OSBPL9: variants seen among roughly 807,000 people sequenced by gnomAD.
The protein encoded by OSBPL9 is oxysterol binding protein like 9.
OSBPL9 carries 40 observed loss-of-function variants against 106.6 expected under a neutral mutation model. The observed-to-expected ratio is 0.38, with a 90% confidence interval of 0.29 to 0.49. The LOEUF (loss-of-function observed/expected upper bound fraction) is 0.49. Ranked by LOEUF, OSBPL9 falls within the 20% of genes least tolerant of loss-of-function variation. The pLI, the probability that OSBPL9 is intolerant of heterozygous loss-of-function variation, is 0.97. For synonymous variants in OSBPL9, 269 were observed against 295.4 expected, an observed-to-expected ratio of 0.91 and a Z score of 0.92; for missense variants, 609 against 887.2, an observed-to-expected ratio of 0.69 and a Z score of 3.98.
intron 3 of OSBPL9, among the ~76,000 whole-genome samples, chr1:51,700,762 T>A (rs987536912): frequency 1.1e-4 from 16 of 152,176 alleles, no homozygotes; most frequent in African/African-American, 3.9e-4. Context: ...TTTATTCATT[T>A]GGGGGAGATA....
chr1:51,748,384 A>G lies in OSBPL9; in HGVS notation c.478A>G (p.Lys160Glu). The change falls in exon 7 of 24, where the codon AAA (lysine) becomes GAA (glutamate). Residue 160 changes from lysine to glutamate, a missense_variant. Coordinates refer to ENST00000428468, the MANE Select transcript of OSBPL9 (RefSeq NM_024586.6). ...DEQRKKIETL[K>E]ETTNSMVESI... Reference sequence around the variant, plus strand: ...TTTTTCACAGAAAATTGAAACTCTCAAAGAGACAACAAATGTAAGTTATAT... The same window carrying G: ...TTTTTCACAGAAAATTGAAACTCTCGAAGAGACAACAAATGTAAGTTATAT... 6.6e-7 allele frequency: 1 copy of G among 1,524,770 alleles called. No homozygotes were observed. Among genetic ancestry groups the G allele is most frequent in the Non-Finnish European group, 8.7e-7 (1 of 1,145,720 alleles). 94.5% of individuals were successfully genotyped at this position (1,524,770 alleles called of 1,614,324 possible). A position where few individuals can be genotyped will look rare whatever the true frequency, so the allele number is the denominator to read the frequency against.
intron 4 of OSBPL9, among the ~76,000 whole-genome samples, chr1:51,727,742 G>A (rs181048546): frequency 2.0e-5 from 3 of 152,252 alleles, no homozygotes; most frequent in East Asian, 1.9e-4. Context: ...TGGTGTGTGC[G>A]CCTGTAGTCC....
chr1:51,687,375 A>T (rs1205354087), intron 3 of OSBPL9, among the ~76,000 whole-genome samples: 2 of 152,264 alleles, frequency 1.3e-5, no homozygotes, highest in Non-Finnish European at 2.9e-5. Context: ...ACTTAAGCAC[A>T]GGATGCAAAA....
chr1:51,542,352 A>C, the OSBPL9 span, among the ~76,000 whole-genome samples: 3 of 152,222 alleles, frequency 2.0e-5, no homozygotes, highest in African/African-American at 7.2e-5. Context: ...AGTCATCATT[A>C]CATCCCAGAT....
At chr1:51,552,800 T>C in the OSBPL9 span, among the ~76,000 whole-genome samples, 2 of 152,006 alleles carry the variant, frequency 1.3e-5, no homozygotes, top group Admixed American at 6.6e-5. Flanking sequence ...AATTTTTTTA[T>C]TTTTAGTAGA....
intron 2 of OSBPL9, among the ~76,000 whole-genome samples, chr1:51,663,034 G>A (rs547038898): frequency 2.2e-4 from 34 of 152,070 alleles, no homozygotes; most frequent in Admixed American, 1.2e-3. Context: ...ATGAGCCACC[G>A]CACCTGGCCA....
chr1:51,771,723 T>C (rs1673942463), intron 12 of OSBPL9, among the ~76,000 whole-genome samples: 1 of 152,170 alleles, frequency 6.6e-6, no homozygotes, highest in Non-Finnish European at 1.5e-5. Flanking sequence ...ATCTCAAACA[T>C]AAAGACAAGA....
rs1649102804 is a variant in OSBPL9, at chr1:51,668,640, T to G, written c.163-794T>G. ...CAGGGTGAGACTCTGTCTCAAAAAA[T>G]AGTAATAAAAAAGTATTTTTTAAAA... On this transcript the variant is annotated intron_variant, in intron 2 of 23. Transcript: ENST00000428468. 1.3e-5 allele frequency among the ~76,000 whole-genome samples: 2 copies of G among 152,052 alleles called. 1 individual carries two copies. The highest frequency in any genetic ancestry group is 4.8e-5 in the African/African-American group (2 of 41,388).
intron 1 of OSBPL9, among the ~76,000 whole-genome samples, chr1:51,587,532 C>T (rs1269055486): frequency 6.6e-6 from 1 of 152,148 alleles, no homozygotes; most frequent in Admixed American, 6.5e-5. Flanking sequence ...CTTCTTTCTG[C>T]CTAACTCTCA....
At chr1:51,725,944 A>G (rs2148924752) in intron 4 of OSBPL9, among the ~76,000 whole-genome samples, 1 of 152,262 alleles carries the variant, frequency 6.6e-6, no homozygotes, top group South Asian at 2.1e-4. Context: ...ACCCACATAC[A>G]ACTTTTGACT....
chr1:51,616,108 G>A (rs1240828563), upstream of OSBPL9, among the ~76,000 whole-genome samples: 1 of 137,342 alleles, frequency 7.3e-6, no homozygotes, highest in African/African-American at 2.7e-5. Context: ...AGTGATTCTT[G>A]TGCCTCAGCT....
chr1:51,779,767 A>C (rs1675894608), intron 15 of OSBPL9, among the ~76,000 whole-genome samples: 2 of 152,214 alleles, frequency 1.3e-5, no homozygotes, highest in African/African-American at 4.8e-5. Flanking sequence ...AATTATCAAA[A>C]GAAGATAATG....
Sources: allele counts gnomAD v4.1 joint callset (sites outside exome capture counted in the v4.1 genomes callset), GRCh38; gene constraint gnomAD v4.1.1; transcripts MANE v1.5; gene names NCBI Gene and HGNC (gene_info 2026-07-23, HGNC 2026-07-21).